The following RAB11FIP1 variants were observed in gnomAD, a reference collection of about 807,000 sequenced individuals.
The protein encoded by RAB11FIP1 is RAB11 family interacting protein 1.
In RAB11FIP1, 49 loss-of-function variants were observed where a neutral mutation model predicts 83.1. That is an observed-to-expected ratio of 0.59 (90% CI 0.47 to 0.75). The LOEUF (loss-of-function observed/expected upper bound fraction) is 0.75. Ranked by LOEUF, RAB11FIP1 falls within the 30% of genes least tolerant of loss-of-function variation. RAB11FIP1 has a pLI of 0.00. For missense variants in RAB11FIP1, 1,536 were observed against 1,598.7 expected (o/e 0.96, Z 0.67); for synonymous variants, 670 against 656.0 (o/e 1.02, Z -0.33).
At chr8:37,892,534 A>G (rs1189811468) in intron 1 of RAB11FIP1, among the ~76,000 whole-genome samples, 1 of 151,680 alleles carries the variant, frequency 6.6e-6, no homozygotes, top group Non-Finnish European at 1.5e-5. Context: ...AGCTCACCGC[A>G]ACCTCTGCTT....
rs1229905073 is a variant in RAB11FIP1 at position 37,899,403 on chromosome 8, G to A, written c.39C>T (p.Ala13=). Residue 13 remains alanine, a synonymous_variant, in exon 1 of 6, where the codon GCC becomes GCT. Coordinates refer to ENST00000330843, the MANE Select transcript of RAB11FIP1 (RefSeq NM_001002814.3). The surrounding 1 kb of genome is among the most constrained non-coding windows in gnomAD (Gnocchi z 4.5). ...LMVSAGRGLG[A]VWSPTHVQVT... is the part of the protein sequence containing the mutation. ...CCTGCACGTGGGTTGGGGACCACACGGCCCCCAGGCCCCGGCCAGCCGAGA... is the reference window on the plus strand; with the variant it reads ...CCTGCACGTGGGTTGGGGACCACACAGCCCCCAGGCCCCGGCCAGCCGAGA... The A allele has an allele frequency of 6.3e-7, 1 of 1,588,034 alleles. No individual in the cohort carries two copies.
chr8:37,897,275 C>A (rs1807107731), intron 1 of RAB11FIP1, among the ~76,000 whole-genome samples: 2 of 151,500 alleles, frequency 1.3e-5, no homozygotes, highest in South Asian at 4.2e-4. Context: ...ATGGAACCCA[C>A]CCCACAGTAA....
chr8:37,872,802 G>A lies in RAB11FIP1; in HGVS notation c.2000C>T (p.Thr667Ile). ...GGTCCTGCCCATCAGAGAATCTTCT[G>A]TCCCTTTATTTGCTGGAAAGGATGG... ...KQPSFPANKG[T>I]EDSLMGRTRE... Residue 667 changes from threonine (T) to isoleucine (I), a missense_variant, in exon 4 of 6, where the codon ACA becomes ATA. Transcript: ENST00000330843. The A allele has an allele frequency of 1.2e-6, 2 of 1,614,224 alleles. No homozygotes were observed. Among genetic ancestry groups the A allele is most frequent in the African/African-American group, 1.3e-5 (1 of 75,048 alleles).
chr8:37,871,361 T>A lies in RAB11FIP1; in HGVS notation c.3441A>T (p.Pro1147=). ...AGGGTGAGACCCAGGCCTGGAGGAG[T>A]GGCTTCCTCTTGCCAAAATTTTCAA... ...GRVENFGKRK[P]LLQAWVSPSE... Residue 1147 remains proline, a synonymous_variant, in exon 4 of 6, where the codon CCA becomes CCT. Coordinates refer to ENST00000330843, the MANE Select transcript of RAB11FIP1 (RefSeq NM_001002814.3). 1 of 1,614,046 alleles carries A rather than the reference T, an allele frequency of 6.2e-7. No individual in the cohort carries two copies.
rs146427711 is a variant in RAB11FIP1 at position 37,875,301 on chromosome 8, G to T, written c.836C>A (p.Ala279Glu). ...GTTCAGTTGCTTAAGATCCGTACTC[G>T]CTGTTCTCTTGTGAGACATGACTTT... is the stretch of plus-strand genomic sequence containing the variant. ...ASDVMSHKRT[A>E]STDLKQLNQV... Residue 279 changes from alanine to glutamate, a missense_variant, in exon 3 of 6, where the codon GCG becomes GAG. By Grantham distance (107) the Ala-to-Glu change is moderately radical. Transcript: ENST00000330843. 58 of 1,611,812 alleles carry T rather than the reference G, an allele frequency of 3.6e-5. 2 individuals are homozygous for T. In the African/African-American group the frequency reaches 7.1e-4, roughly 20 times the overall value.
At position 37,871,737 on chromosome 8, in the gene RAB11FIP1, A is replaced by G. The variant is rs1806466863; in HGVS notation, c.3065T>C (p.Val1022Ala). The G allele has an allele frequency of 6.2e-7, 1 of 1,613,730 alleles. No homozygotes were observed. Among genetic ancestry groups the G allele is most frequent in the Non-Finnish European group, 8.5e-7 (1 of 1,180,004 alleles). Residue 1022 changes from valine to alanine, a missense_variant, in exon 4 of 6, where the codon GTA becomes GCA. Physicochemically the swap from Val to Ala is moderately conservative, Grantham distance 64 (BLOSUM62 0). Coordinates refer to ENST00000330843, the MANE Select transcript of RAB11FIP1 (RefSeq NM_001002814.3). ...GAAATCACACAGGCCCTCCCCCAGT[A>G]CCAACCTATCTGCCTCGCCACTGGG... ...KGPSGEADRL[V>A]LGEGLCDFRL... is the part of the protein sequence containing the mutation.
At chr8:37,889,036 A>G (rs1421990531) in intron 1 of RAB11FIP1, among the ~76,000 whole-genome samples, 1 of 151,844 alleles carries the variant, frequency 6.6e-6, no homozygotes, top group East Asian at 1.9e-4. Context: ...TGACCTCGTG[A>G]TCTGCCCGCC....
chr8:37,864,202 G>A (rs973632273), intron 5 of RAB11FIP1, among the ~76,000 whole-genome samples: 4 of 152,220 alleles, frequency 2.6e-5, no homozygotes, highest in Admixed American at 2.6e-4. Context: ...TTCCACTCCC[G>A]AGGAGAGCAC....
chr8:37,889,834 A>G (rs1458949783), intron 1 of RAB11FIP1, among the ~76,000 whole-genome samples: 1 of 151,982 alleles, frequency 6.6e-6, no homozygotes, highest in Non-Finnish European at 1.5e-5. Flanking sequence ...CCCGGGCTGG[A>G]GTGCAGTGGC....
intron 4 of RAB11FIP1, chr8:37,870,780 T>C (rs1046851257): frequency 4.7e-6 from 2 of 422,670 alleles, no homozygotes; most frequent in African/African-American, 4.1e-5. Flanking sequence ...GGACCCTTGG[T>C]CTTGTTACAA....
Position 37,873,184 on chromosome 8 carries a change from A to G in RAB11FIP1, c.1623-5T>C, listed in dbSNP as rs1411625784. 1.9e-6 allele frequency: 3 copies of G among 1,567,126 alleles called. No homozygotes were observed. Among genetic ancestry groups the G allele is most frequent in the Non-Finnish European group, 2.6e-6 (3 of 1,164,224 alleles). ...GCCTCTGGAGACACTTCCAGTCTGC[A>G]AAAAGGACAAAATAAAATCTGCAGG... On this transcript the variant is annotated splice_polypyrimidine_tract_variant and splice_region_variant and intron_variant, in intron 3 of 5. Transcript: ENST00000330843.
At position 37,871,726 on chromosome 8, in the gene RAB11FIP1, C is replaced by T; in HGVS notation, c.3076G>A (p.Gly1026Ser). The stretch of plus-strand genomic sequence containing the variant: ...GCTTGCAGCCTGAAATCACACAGGC[C>T]CTCCCCCAGTACCAACCTATCTGCC... ...GEADRLVLGE[G>S]LCDFRLQAPQ... is the part of the protein sequence containing the mutation. The change falls in exon 4 of 6, where the codon GGC becomes AGC. Residue 1026 changes from glycine (G) to serine (S), a missense_variant. Physicochemically the swap from Gly to Ser is moderately conservative, Grantham distance 56. Coordinates refer to ENST00000330843, the MANE Select transcript of RAB11FIP1 (RefSeq NM_001002814.3). 2 of 1,613,560 alleles carry T rather than the reference C, an allele frequency of 1.2e-6. No individual in the cohort carries two copies. Among genetic ancestry groups the T allele is most frequent in the Non-Finnish European group, 1.7e-6 (2 of 1,180,012 alleles).
At position 37,872,823 on chromosome 8, in the gene RAB11FIP1, G is replaced by A. The variant is rs1806507393; in HGVS notation, c.1979C>T (p.Ser660Phe). 4 of 1,614,222 alleles carry A rather than the reference G, an allele frequency of 2.5e-6. No individual in the cohort carries two copies. Among genetic ancestry groups the A allele is most frequent in the African/African-American group, 1.3e-5 (1 of 75,054 alleles). ...SALGSLFKQP[S>F]FPANKGTEDS... The stretch of plus-strand genomic sequence containing the variant: ...TTCTGTCCCTTTATTTGCTGGAAAG[G>A]ATGGCTGTTTGAAAAGTGATCCCAG... Residue 660 changes from serine (S) to phenylalanine (F), a missense_variant, in exon 4 of 6, where the codon TCC becomes TTC. Coordinates refer to ENST00000330843, the MANE Select transcript of RAB11FIP1 (RefSeq NM_001002814.3).
Position 37,872,977 on chromosome 8 carries a change from A to G in RAB11FIP1, c.1825T>C (p.Ser609Pro). The change falls in exon 4 of 6, where the codon TCC (serine) becomes CCC (proline). Residue 609 changes from serine to proline, a missense_variant. Coordinates refer to ENST00000330843, the MANE Select transcript of RAB11FIP1 (RefSeq NM_001002814.3). ...AGAGGCCAGCTTTCAATTGGAGTGGATGTGGAAATGGGAGCTGCTATGGGA... is the reference window on the plus strand; with the variant it reads ...AGAGGCCAGCTTTCAATTGGAGTGGGTGTGGAAATGGGAGCTGCTATGGGA... ...SSPIAAPIST[S>P]TPIESWPLVD... The G allele has an allele frequency of 6.2e-7, 1 of 1,614,122 alleles. No individual in the cohort carries two copies.
At chr8:37,881,115 T>C (rs1806726917) in intron 1 of RAB11FIP1, among the ~76,000 whole-genome samples, 2 of 152,328 alleles carry the variant, frequency 1.3e-5, no homozygotes, top group East Asian at 3.9e-4. Flanking sequence ...ACCTGTGGCA[T>C]ACCTGACACT....
At chr8:37,863,585 T>G (rs991083529) in intron 5 of RAB11FIP1, among the ~76,000 whole-genome samples, 4 of 152,218 alleles carry the variant, frequency 2.6e-5, no homozygotes, top group Admixed American at 2.6e-4. Flanking sequence ...AAACAGGTTG[T>G]TGACTGATGA....
intron 1 of RAB11FIP1, among the ~76,000 whole-genome samples, chr8:37,881,172 G>A (rs1034462376): frequency 2.6e-5 from 4 of 152,182 alleles, no homozygotes; most frequent in Admixed American, 6.5e-5. Context: ...AGAACGACAC[G>A]GAGTAGATAT....
chr8:37,899,421 A>G lies in RAB11FIP1; in HGVS notation c.21T>C (p.Ala7=). ...ACCACACGGCCCCCAGGCCCCGGCCAGCCGAGACCATTAGGGACATGGTGA... is the reference window on the plus strand; with the variant it reads ...ACCACACGGCCCCCAGGCCCCGGCCGGCCGAGACCATTAGGGACATGGTGA... MSLMVS[A]GRGLGAVWSP... The change falls in exon 1 of 6, where the codon GCT becomes GCC. Residue 7 remains alanine (A), a synonymous_variant. Transcript: ENST00000330843. The surrounding 1 kb of genome is among the most constrained non-coding windows in gnomAD (Gnocchi z 4.5). The G allele has an allele frequency of 6.3e-7, 1 of 1,579,228 alleles. No homozygotes were observed. The highest frequency in any genetic ancestry group is 1.7e-4 in the Middle Eastern group (1 of 5,924).
At chr8:37,898,925 G>A in intron 1 of RAB11FIP1, 146 bp downstream of exon 1, 1 of 835,330 alleles carries the variant, frequency 1.2e-6, no homozygotes, top group East Asian at 3.3e-5. Context: ...AGCCAGGTGA[G>A]AACACCAGCA....
Sources: allele counts gnomAD v4.1 joint callset (sites outside exome capture counted in the v4.1 genomes callset), GRCh38; gene constraint gnomAD v4.1.1; non-coding constraint Gnocchi (gnomAD v3.1); transcripts MANE v1.5; gene names NCBI Gene and HGNC (gene_info 2026-07-23, HGNC 2026-07-21).